Variants in ZFAND3 observed in about 807,000 individuals in gnomAD.
ZFAND3 encodes zinc finger AN1-type containing 3.
A neutral mutation model predicts 29.6 loss-of-function variants in ZFAND3; 10 were observed. The observed-to-expected ratio is 0.34, with a 90% CI of 0.21 to 0.57. ZFAND3 has a LOEUF of 0.57. ZFAND3 is among the 20% of genes least tolerant of loss of function. The pLI is 0.86. For synonymous variants in ZFAND3, 128 were observed against 112.6 expected, an observed-to-expected ratio of 1.14 and a Z score of -0.87; for missense variants, 230 against 304.5, an observed-to-expected ratio of 0.76 and a Z score of 1.82.
At chr6:37,956,959 A>C (rs1762094688) in intron 2 of ZFAND3, among the ~76,000 whole-genome samples, 1 of 152,160 alleles carries the variant, frequency 6.6e-6, no homozygotes, top group Non-Finnish European at 1.5e-5. Flanking sequence ...CCTTACTTGG[A>C]GGTCTAAGCC....
chr6:37,952,644 G>A (rs192324534), intron 2 of ZFAND3, among the ~76,000 whole-genome samples: 2 of 152,054 alleles, frequency 1.3e-5, no homozygotes, highest in African/African-American at 4.8e-5. Context: ...CTTCCTGTCA[G>A]CTCAAATGTC....
chr6:38,072,488 C>T (rs573617079), intron 3 of ZFAND3, among the ~76,000 whole-genome samples: 145 of 152,230 alleles, frequency 9.5e-4, no homozygotes, highest in Admixed American at 2.7e-3. Flanking sequence ...ATGCTCTGTC[C>T]TTCTCTGTGA....
Position 38,043,565 on chromosome 6 carries a change from C to T in ZFAND3, c.113-18028C>T, listed in dbSNP as rs561164876. 4.7e-5 allele frequency among the ~76,000 whole-genome samples: 7 copies of T among 149,502 alleles called. No individual in the cohort carries two copies. The East Asian group carries it at 1.4e-3, about 29-fold the overall frequency. On this transcript the variant is annotated intron_variant, in intron 2 of 5. Coordinates refer to ENST00000287218, the MANE Select transcript of ZFAND3 (RefSeq NM_021943.3). ...CTTTTCTCCCCTCTTCCTCCTTCCCCTCTTCCCCCTTCCCCTCTTCCCCTT... is the reference window on the plus strand; with the variant it reads ...CTTTTCTCCCCTCTTCCTCCTTCCCTTCTTCCCCCTTCCCCTCTTCCCCTT...
At chr6:38,081,582 T>G (rs1346250308) in intron 3 of ZFAND3, among the ~76,000 whole-genome samples, 1 of 152,172 alleles carries the variant, frequency 6.6e-6, no homozygotes, top group African/African-American at 2.4e-5. Context: ...TGTGTAACAT[T>G]TGCCTATGTG....
At chr6:38,096,527 G>A (rs1004737169) in intron 4 of ZFAND3, among the ~76,000 whole-genome samples, 4 of 152,138 alleles carry the variant, frequency 2.6e-5, no homozygotes, top group Admixed American at 1.3e-4. Flanking sequence ...TGTGTATTAG[G>A]CATCCCTTTT....
chr6:37,942,382 T>G (rs1415772708), intron 2 of ZFAND3, among the ~76,000 whole-genome samples: 1 of 152,176 alleles, frequency 6.6e-6, no homozygotes, highest in Non-Finnish European at 1.5e-5. Flanking sequence ...AATGTACTTT[T>G]TTCCTTCATG....
chr6:38,144,228 TA>T lies in ZFAND3; in HGVS notation c.530-8006del, dbSNP rs1310791430. Among the ~76,000 whole-genome samples, 63 of 86,322 alleles carry T rather than the reference TA, an allele frequency of 7.3e-4. 2 individuals carry two copies. Among genetic ancestry groups the T allele is most frequent in the African/African-American group, 2.8e-3 (56 of 20,128 alleles). The allele number at this position is 86,322 out of a possible 152,430, so 56.6% of individuals were successfully genotyped here. On this transcript the variant is annotated intron_variant, in intron 5 of 5. Coordinates refer to ENST00000287218, the MANE Select transcript of ZFAND3 (RefSeq NM_021943.3). ...ATATATATAATATATAATATATATA[TA>T]TATTTTTTTTTTAATAAGGTTGCTT...
chr6:37,933,112 T>G (rs1001931098), intron 2 of ZFAND3, among the ~76,000 whole-genome samples: 3 of 152,358 alleles, frequency 2.0e-5, no homozygotes, highest in Non-Finnish European at 4.4e-5. Context: ...ACATAAAGAT[T>G]ATTTTGGCCA....
At chr6:37,884,270 G>T (rs552930015) in intron 1 of ZFAND3, among the ~76,000 whole-genome samples, 1 of 144,452 alleles carries the variant, frequency 6.9e-6, no homozygotes, top group African/African-American at 2.8e-5. Context: ...GAGGTGGGTG[G>T]ATCACCTGAG....
chr6:37,843,983 T>C (rs1764128387), intron 1 of ZFAND3, among the ~76,000 whole-genome samples: 1 of 152,030 alleles, frequency 6.6e-6, no homozygotes. Context: ...AATGGTGTGA[T>C]CTTGGCTCAC....
chr6:37,902,522 C>G (rs770564836), intron 1 of ZFAND3, among the ~76,000 whole-genome samples: 5 of 151,984 alleles, frequency 3.3e-5, no homozygotes, highest in Non-Finnish European at 5.9e-5. Context: ...ACAAACAAAA[C>G]AAATATAACG....
At chr6:37,920,754 C>A (rs934076042) in intron 1 of ZFAND3, among the ~76,000 whole-genome samples, 1 of 152,198 alleles carries the variant, frequency 6.6e-6, no homozygotes, top group Admixed American at 6.5e-5. Context: ...CAGACATGGT[C>A]TGAATGATTT....
At chr6:38,127,485 C>T (rs1765656568) in intron 5 of ZFAND3, among the ~76,000 whole-genome samples, 1 of 152,180 alleles carries the variant, frequency 6.6e-6, no homozygotes, top group African/African-American at 2.4e-5. Context: ...GCAACCTGAG[C>T]TTAGCCCTCT....
chr6:37,983,650 C>G (rs1012245540), intron 2 of ZFAND3, among the ~76,000 whole-genome samples: 1 of 152,090 alleles, frequency 6.6e-6, no homozygotes, highest in Admixed American at 6.5e-5. Context: ...TGAGCCACCC[C>G]CCACCCCTGG....
chr6:37,970,821 C>T (rs150671487), intron 2 of ZFAND3, among the ~76,000 whole-genome samples: 305 of 152,252 alleles, frequency 2.0e-3, no homozygotes, highest in Middle Eastern at 0.017. Context: ...AGGAGAATGG[C>T]GTGAACCGTG....
intron 2 of ZFAND3, among the ~76,000 whole-genome samples, chr6:38,053,896 T>C (rs1005317581): frequency 3.3e-5 from 5 of 151,924 alleles, no homozygotes; most frequent in Non-Finnish European, 1.5e-5. Context: ...TCTATGTGAA[T>C]GTTGATATCA....
Position 38,065,046 on chromosome 6 carries a change from A to G in ZFAND3, c.295+3271A>G, listed in dbSNP as rs191503914. Reference sequence around the variant, plus strand: ...CAAAGAAAAGCAGGGAGGGCTGGGCACATGGCTCACGCCTGTAATCCCAGC... The same window carrying G: ...CAAAGAAAAGCAGGGAGGGCTGGGCGCATGGCTCACGCCTGTAATCCCAGC... On this transcript the variant is annotated intron_variant, in intron 3 of 5. Transcript: ENST00000287218. Among the ~76,000 whole-genome samples the G allele has an allele frequency of 1.0e-3, 155 of 152,288 alleles. 1 individual carries two copies. The highest frequency in any genetic ancestry group is 4.7e-3 in the Admixed American group (72 of 15,296).
At chr6:37,880,289 C>G (rs1388120732) in intron 1 of ZFAND3, among the ~76,000 whole-genome samples, 3 of 152,212 alleles carry the variant, frequency 2.0e-5, no homozygotes, top group African/African-American at 7.2e-5. Context: ...TTGCTTTATC[C>G]TATTGTGTCA....
Position 37,819,900 on chromosome 6 carries a change from C to T in ZFAND3, c.-46C>T. The T allele has an allele frequency of 1.7e-6, 2 of 1,181,802 alleles. No homozygotes were observed. The highest frequency in any genetic ancestry group is 2.1e-6 in the Non-Finnish European group (2 of 956,858). 73.2% of individuals were successfully genotyped at this position (1,181,802 alleles called of 1,614,324 possible). On this transcript the variant is annotated 5_prime_UTR_variant, in exon 1 of 6. Transcript: ENST00000287218. ...TCCTCAGAGCGGGGCCCGGGCCCAG[C>T]CGCCGCCACCGCTGCCGCCGCCGAG...
Sources: gnomAD v4.1 joint callset for allele counts (sites outside exome capture counted in the v4.1 genomes callset) on GRCh38, gnomAD v4.1.1 for gene constraint, MANE v1.5 for transcripts, NCBI Gene and HGNC (gene_info 2026-07-23, HGNC 2026-07-21) for gene names.